EYS: variants seen among roughly 807,000 people sequenced by gnomAD.
EYS encodes the protein protein eyes shut homolog.
Under a neutral mutation model 282.1 loss-of-function variants are expected in EYS, and 250 were observed. That is an observed-to-expected ratio of 0.89 (90% CI 0.80 to 0.98). The LOEUF is 0.98. Among genes scored for constraint, EYS ranks in the 50% least tolerant of loss-of-function variants. EYS has a pLI of 0.00. For missense variants in EYS, 4,016 were observed against 3,709.0 expected (o/e 1.08, Z -2.15); for synonymous variants, 1,355 against 1,282.9 (o/e 1.06, Z -1.20).
chr6:65,048,437 T>C (rs1773167702), intron 13 of EYS, among the ~76,000 whole-genome samples: 1 of 151,880 alleles, frequency 6.6e-6, no homozygotes, highest in African/African-American at 2.4e-5. Context: ...TAATTGGAAC[T>C]CTCCCATCTT....
chr6:64,188,275 A>C (rs567321154), intron 31 of EYS, among the ~76,000 whole-genome samples: 16 of 152,082 alleles, frequency 1.1e-4, no homozygotes, highest in Non-Finnish European at 2.2e-4. Context: ...AGCTCAAAGA[A>C]AATTTGCATG....
chr6:65,266,689 C>T (rs1164212670), intron 12 of EYS, among the ~76,000 whole-genome samples: 1 of 151,292 alleles, frequency 6.6e-6, no homozygotes, highest in Non-Finnish European at 1.5e-5. Flanking sequence ...GTATCTCTGC[C>T]AGGTTTTTTA....
intron 31 of EYS, among the ~76,000 whole-genome samples, chr6:64,172,813 A>G (rs368622836): frequency 1.3e-5 from 2 of 152,184 alleles, no homozygotes; most frequent in African/African-American, 4.8e-5. Flanking sequence ...CAGGAACCCT[A>G]TTGTGAACTG....
intron 30 of EYS, among the ~76,000 whole-genome samples, chr6:64,293,250 G>T (rs1768779775): frequency 6.6e-6 from 1 of 151,990 alleles, no homozygotes; most frequent in Non-Finnish European, 1.5e-5. Flanking sequence ...CATTTAAAAT[G>T]AATGTTTGCT....
At chr6:63,871,790 T>G (rs62412977) in intron 35 of EYS, among the ~76,000 whole-genome samples, 55,594 of 152,042 alleles carry the variant, frequency 0.37, 10,628 homozygotes, top group South Asian at 0.47. Flanking sequence ...ATGTTAAGCT[T>G]TGTCAGTAGA....
At chr6:64,959,076 G>A (rs1168756622) in intron 14 of EYS, among the ~76,000 whole-genome samples, 1 of 152,164 alleles carries the variant, frequency 6.6e-6, no homozygotes, top group African/African-American at 2.4e-5. Context: ...ACCAGTAGGG[G>A]TAAGATGGGG....
At chr6:64,833,178 A>G (rs1442190165) in intron 19 of EYS, among the ~76,000 whole-genome samples, 1 of 151,924 alleles carries the variant, frequency 6.6e-6, no homozygotes, top group Non-Finnish European at 1.5e-5. Flanking sequence ...GTACATCACA[A>G]TCTTTACATG....
At chr6:65,175,922 C>T (rs1335005133) in intron 12 of EYS, among the ~76,000 whole-genome samples, 1 of 151,374 alleles carries the variant, frequency 6.6e-6, no homozygotes, top group African/African-American at 2.4e-5. Context: ...TGTTTATTTT[C>T]CCCCAAATCT....
chr6:65,703,420 T>C (rs1016394688), intron 1 of EYS, among the ~76,000 whole-genome samples: 1 of 152,118 alleles, frequency 6.6e-6, no homozygotes. Context: ...TCCAGACTTA[T>C]ATCCTAAAAT....
At chr6:64,148,436 T>C (rs1267669221) in intron 31 of EYS, among the ~76,000 whole-genome samples, 1 of 152,142 alleles carries the variant, frequency 6.6e-6, no homozygotes, top group Admixed American at 6.6e-5. Flanking sequence ...CTTCTTTTCA[T>C]ACAGAGAGAA....
chr6:64,150,606 C>A (rs1774668987), intron 31 of EYS, among the ~76,000 whole-genome samples: 1 of 152,020 alleles, frequency 6.6e-6, no homozygotes, highest in Non-Finnish European at 1.5e-5. Flanking sequence ...ATTTTTATAT[C>A]ATAAATTACC....
At chr6:64,991,765 T>G (rs1401545559) in intron 14 of EYS, among the ~76,000 whole-genome samples, 1 of 151,664 alleles carries the variant, frequency 6.6e-6, no homozygotes, top group Admixed American at 6.6e-5. Flanking sequence ...AAAATAGTAC[T>G]TAATGAAGGA....
At chr6:65,588,008 CT>C (rs1765112715) in intron 2 of EYS, among the ~76,000 whole-genome samples, 1 of 151,976 alleles carries the variant, frequency 6.6e-6, no homozygotes, top group Non-Finnish European at 1.5e-5. Context: ...TGGTTGTTTA[CT>C]TTTCCCCTTA....
chr6:64,663,519 AC>A (rs765605003), intron 22 of EYS, among the ~76,000 whole-genome samples: 2 of 152,332 alleles, frequency 1.3e-5, no homozygotes, highest in Middle Eastern at 6.8e-3. Flanking sequence ...GTTCACTAGA[AC>A]TACATTCTTC....
intron 19 of EYS, among the ~76,000 whole-genome samples, chr6:64,884,840 C>A (rs2150062168): frequency 6.6e-6 from 1 of 151,672 alleles, no homozygotes; most frequent in South Asian, 2.1e-4. Flanking sequence ...GAAAGTGGTA[C>A]ACTTTTAATT....
At chr6:65,479,877 T>G (rs1765544878) in intron 5 of EYS, among the ~76,000 whole-genome samples, 1 of 151,906 alleles carries the variant, frequency 6.6e-6, no homozygotes, top group Non-Finnish European at 1.5e-5. Flanking sequence ...TAAAGTATGC[T>G]GGGTGTGGTG....
intron 22 of EYS, among the ~76,000 whole-genome samples, chr6:64,685,407 G>A (rs1289981156): frequency 6.6e-6 from 1 of 152,172 alleles, no homozygotes; most frequent in African/African-American, 2.4e-5. Context: ...GATCCGTATT[G>A]TTGAAGTTGG....
At chr6:64,766,621 A>G (rs1482884469) in intron 22 of EYS, among the ~76,000 whole-genome samples, 2 of 111,164 alleles carry the variant, frequency 1.8e-5, no homozygotes, top group South Asian at 3.4e-4. Context: ...GACGGAGTGA[A>G]ACTCCGTCTC....
chr6:64,840,107 A>G (rs1356446791), intron 19 of EYS, among the ~76,000 whole-genome samples: 1 of 152,094 alleles, frequency 6.6e-6, no homozygotes, highest in Non-Finnish European at 1.5e-5. Context: ...AATAAACCTG[A>G]TTAAGAACTT....
Sources: gnomAD v4.1 joint callset for allele counts (sites outside exome capture counted in the v4.1 genomes callset) on GRCh38, gnomAD v4.1.1 for gene constraint, MANE v1.5 for transcripts, NCBI Gene and HGNC (gene_info 2026-07-23, HGNC 2026-07-21) for gene names.